The following CCDC102A variants were observed in gnomAD, a reference collection of about 807,000 sequenced individuals.
CCDC102A encodes the protein coiled-coil domain-containing protein 102A.
In CCDC102A, 40 loss-of-function variants were observed where a neutral mutation model predicts 55.5. The ratio of observed to expected loss-of-function variants is 0.72; its 90% CI spans 0.56 to 0.94. The LOEUF (loss-of-function observed/expected upper bound fraction) is 0.94, where lower values mean the gene tolerates loss of function less well. Ranked by LOEUF, CCDC102A falls within the 40% of genes least tolerant of loss-of-function variation. The pLI is 0.00. For missense variants in CCDC102A, 779 were observed against 768.6 expected, an observed-to-expected ratio of 1.01 and a Z score of -0.16; for synonymous variants, 323 against 339.0, an observed-to-expected ratio of 0.95 and a Z score of 0.52.
chr16:57,512,388 G>A lies in CCDC102A; in HGVS notation c.*353C>T, dbSNP rs2031877581. The A allele has an allele frequency of 2.5e-5, 10 of 400,150 alleles. No homozygotes were observed. In the East Asian group the frequency reaches 3.6e-4, roughly 14 times the overall value. The allele number at this position is 400,150 out of a possible 1,614,324, so 24.8% of individuals were successfully genotyped here. On this transcript the variant is annotated 3_prime_UTR_variant, in exon 9 of 9. Transcript: ENST00000258214. ...GCCTAGAGAGGCAGCCCAGGGTGGG[G>A]CTCCAACAACTGCCCCCAACATGCC...
In CCDC102A at chr16:57,518,834, C is replaced by A. The variant is rs115686071; in HGVS notation, c.922-93G>T. On this transcript the variant is annotated intron_variant, in intron 4 of 8. Transcript: ENST00000258214. ...TGGGCGCCAGTGCAGGAGTGCTCAG[C>A]GTGGAGCCAAGGCAGCGCCCAAATG... 1.2e-3 allele frequency: 1,161 copies of A among 971,054 alleles called. 13 individuals carry two copies. The African/African-American group carries it at 0.017, about 14-fold the overall frequency. 60.2% of individuals were successfully genotyped at this position (971,054 alleles called of 1,614,324 possible).
chr16:57,536,917 C>T (rs114220578), upstream of CCDC102A, among the ~76,000 whole-genome samples: 2,202 of 152,300 alleles, frequency 0.014, 42 homozygotes, highest in African/African-American at 0.051. Context: ...CGGGTCCCAG[C>T]TCGGCACGTG....
At chr16:57,534,526 C>G (rs1327673480) in intron 1 of CCDC102A, among the ~76,000 whole-genome samples, 2 of 152,204 alleles carry the variant, frequency 1.3e-5, no homozygotes, top group Admixed American at 6.5e-5. Context: ...CCTAGGAAGC[C>G]TTCTCTAACC....
intron 7 of CCDC102A, 69 bp from the exon 8 acceptor site, chr16:57,515,513 G>T (rs776871178): frequency 2.1e-6 from 2 of 954,624 alleles, no homozygotes; most frequent in African/African-American, 1.6e-5. Context: ...CACCCGCCCA[G>T]GGAAAACCAC....
chr16:57,518,113 G>A lies in CCDC102A; in HGVS notation c.1203C>T (p.Asp401=). The part of the protein sequence containing the change: ...RRRRQTASAL[D]CDLRASQAAL... ...CGGCCTGGCTGGCCCTCAGGTCGCA[G>A]TCCAGTGCGCTGGCTGTTTGCCGCC... The change falls in exon 6 of 9, where the codon GAC becomes GAT. Residue 401 remains aspartate, a synonymous_variant. Transcript: ENST00000258214. 6.2e-7 allele frequency: 1 copy of A among 1,608,506 alleles called. No homozygotes were observed. Among genetic ancestry groups the A allele is most frequent in the Non-Finnish European group, 8.5e-7 (1 of 1,179,556 alleles).
chr16:57,522,548 C>T (rs1191259127), intron 3 of CCDC102A, among the ~76,000 whole-genome samples: 1 of 152,214 alleles, frequency 6.6e-6, no homozygotes, highest in African/African-American at 2.4e-5. Flanking sequence ...GCCACGGTGC[C>T]CGGCTGCACT....
At chr16:57,525,814 C>A in intron 3 of CCDC102A, 87 bp downstream of exon 3, 3 of 1,214,346 alleles carry the variant, frequency 2.5e-6, no homozygotes, top group East Asian at 2.5e-5. Context: ...TACCTGTCAT[C>A]TTCGTGAGTC....
intron 1 of CCDC102A, among the ~76,000 whole-genome samples, chr16:57,536,051 G>C (rs1326437273): frequency 1.3e-5 from 2 of 152,044 alleles, no homozygotes; most frequent in Non-Finnish European, 2.9e-5. Flanking sequence ...GCGCCGCGCG[G>C]TCCCGCCCAC....
intron 2 of CCDC102A, among the ~76,000 whole-genome samples, chr16:57,528,246 C>A (rs761888417): frequency 6.6e-6 from 1 of 152,244 alleles, no homozygotes; most frequent in Non-Finnish European, 1.5e-5. Flanking sequence ...GCCCTGATTT[C>A]TCCCACCGCT....
chr16:57,526,990 A>G (rs1334748516), intron 2 of CCDC102A, among the ~76,000 whole-genome samples: 1 of 152,226 alleles, frequency 6.6e-6, no homozygotes, highest in Non-Finnish European at 1.5e-5. Context: ...GGCTCCTGCC[A>G]CTGCCCACAG....
rs1278485490 is a variant in CCDC102A at position 57,516,223 on chromosome 16, G to A, written c.1419+70C>T. On this transcript the variant is annotated intron_variant, in intron 7 of 8. Transcript: ENST00000258214. This position sits in a 1 kb window ranked among gnomAD's most constrained non-coding sequence, Gnocchi z 4.4. ...CAGGGGCTGAGAATGGAGAAGCCAG[G>A]ATGGCCCTGCGGCCCCCACTCCTCC... The A allele has an allele frequency of 1.1e-5, 17 of 1,495,462 alleles. No individual in the cohort carries two copies. Among genetic ancestry groups the A allele is most frequent in the African/African-American group, 1.4e-5 (1 of 72,934 alleles). 92.6% of individuals were successfully genotyped at this position (1,495,462 alleles called of 1,614,324 possible).
At chr16:57,512,967 G>A in intron 8 of CCDC102A, 97 bp from the exon 9 acceptor site, 1 of 999,680 alleles carries the variant, frequency 1.0e-6, no homozygotes, top group Non-Finnish European at 1.5e-6. Context: ...GCCTTCCCTG[G>A]TGCTTTCCCT....
intron 6 of CCDC102A, 82 bp downstream of exon 6, chr16:57,517,986 C>A (rs944903967): frequency 1.4e-6 from 2 of 1,433,778 alleles, no homozygotes; most frequent in Non-Finnish European, 1.9e-6. Flanking sequence ...ATCACCAGGC[C>A]TGACACATAG....
intron 1 of CCDC102A, among the ~76,000 whole-genome samples, chr16:57,534,980 G>A (rs1303446240): frequency 6.6e-6 from 1 of 152,230 alleles, no homozygotes; most frequent in Non-Finnish European, 1.5e-5. Context: ...GGGGCCAGCT[G>A]AAGGGATGGG....
rs896145062 is a variant in CCDC102A, at chr16:57,529,753, G to C, written c.-147-429C>G. ...TCACTTCCTCCTGGAAGCCCTCCTG[G>C]AGCACTTCAGGCCAGGTCCATCAGC... On this transcript the variant is annotated intron_variant, in intron 1 of 8. Coordinates refer to ENST00000258214, the MANE Select transcript of CCDC102A (RefSeq NM_033212.4). The surrounding 1 kb of genome is among the most constrained non-coding windows in gnomAD (Gnocchi z 4.1). 6.6e-6 allele frequency among the ~76,000 whole-genome samples: 1 copy of C among 152,076 alleles called. No individual in the cohort carries two copies. The highest frequency in any genetic ancestry group is 2.4e-5 in the African/African-American group (1 of 41,392).
chr16:57,528,101 G>A (rs549866884), intron 2 of CCDC102A, among the ~76,000 whole-genome samples: 81 of 152,270 alleles, frequency 5.3e-4, no homozygotes, highest in African/African-American at 1.7e-3. Flanking sequence ...CTCCAGGTAC[G>A]AGCCACGTCG....
intron 4 of CCDC102A, among the ~76,000 whole-genome samples, chr16:57,520,552 A>G (rs1014774506): frequency 8.2e-6 from 1 of 121,772 alleles, no homozygotes; most frequent in Admixed American, 9.4e-5. Flanking sequence ...ATAACATAAC[A>G]TAACATAACA....
chr16:57,520,598 A>AACATAACATAACATAACAT (rs1450031945), intron 4 of CCDC102A, among the ~76,000 whole-genome samples: 6 of 96,220 alleles, frequency 6.2e-5, no homozygotes, highest in African/African-American at 2.4e-4. Flanking sequence ...TAACATAAAT[A>AACATAACATAACATAACAT]AAATAAAATA....
At chr16:57,533,528 G>A (rs1195986232) in intron 1 of CCDC102A, among the ~76,000 whole-genome samples, 9 of 147,450 alleles carry the variant, frequency 6.1e-5, no homozygotes, top group Non-Finnish European at 1.0e-4. Context: ...CCCCAGTAAT[G>A]CACACACTCA....
Sources: gnomAD v4.1 joint callset for allele counts (sites outside exome capture counted in the v4.1 genomes callset) on GRCh38, gnomAD v4.1.1 for gene constraint, Gnocchi (gnomAD v3.1) non-coding constraint, MANE v1.5 for transcripts, NCBI Gene and HGNC (gene_info 2026-07-23, HGNC 2026-07-21) for gene names.